RREB1: variants seen among roughly 807,000 people sequenced by gnomAD.
The protein encoded by RREB1 is ras-responsive element-binding protein 1.
RREB1 carries 27 observed loss-of-function variants against 117.8 expected under a neutral mutation model. The ratio of observed to expected loss-of-function variants is 0.23; its 90% CI spans 0.17 to 0.32. RREB1 has a LOEUF of 0.32. RREB1 is among the 10% of genes least tolerant of loss of function. RREB1 has a pLI of 1.00. For synonymous variants in RREB1, 1,298 were observed against 1,026.7 expected (o/e 1.26, Z -5.05); for missense variants, 2,577 against 2,378.2 (o/e 1.08, Z -1.74).
intron 1 of RREB1, among the ~76,000 whole-genome samples, chr6:7,154,923 G>C (rs1217885529): frequency 6.6e-6 from 1 of 152,092 alleles, no homozygotes; most frequent in African/African-American, 2.4e-5. Flanking sequence ...ATTCGTTGGT[G>C]GTTTACGTGT....
chr6:7,177,973 C>T (rs1356849495), intron 2 of RREB1, among the ~76,000 whole-genome samples: 1 of 152,084 alleles, frequency 6.6e-6, no homozygotes, highest in Non-Finnish European at 1.5e-5. Flanking sequence ...TCTGCCTACC[C>T]TGGCCTCCCA....
chr6:7,210,878 G>C lies in RREB1; in HGVS notation c.500G>C (p.Arg167Pro). The C allele has an allele frequency of 1.2e-6, 2 of 1,614,124 alleles. No individual in the cohort carries two copies. Among genetic ancestry groups the C allele is most frequent in the Non-Finnish European group, 1.7e-6 (2 of 1,179,964 alleles). ...CCTCCATCTCCTCTGAAACGTAGGC[G>C]ATTGTCCTCCAAGAGGAAACTGAGT... is the stretch of plus-strand genomic sequence containing the variant. ...TAPPSPLKRRRLSSKRKLSHD... is the reference protein window; with the variant it reads ...TAPPSPLKRRPLSSKRKLSHD... Residue 167 changes from arginine (R) to proline (P), a missense_variant, in exon 7 of 13, where the codon CGA becomes CCA. Transcript: ENST00000379938.
At position 7,203,174 on chromosome 6, in the gene RREB1, T is replaced by C. The variant is rs117831961; in HGVS notation, c.426-7630T>C. ...ACACCTCTCTACCCCCTACTGGATC[T>C]GAAAGTCAGGAGAGGAGGAAGGAGC... is the stretch of plus-strand genomic sequence containing the variant. On this transcript the variant is annotated intron_variant, in intron 6 of 12. Transcript: ENST00000379938. Among the ~76,000 whole-genome samples, 213 of 152,178 alleles carry C rather than the reference T, an allele frequency of 1.4e-3. 3 individuals carry two copies. The East Asian group carries it at 0.033, about 23-fold the overall frequency.
chr6:7,230,646 C>A lies in RREB1; in HGVS notation c.2547C>A (p.Gly849=), dbSNP rs765158225. 10 of 1,600,196 alleles carry A rather than the reference C, an allele frequency of 6.2e-6. No individual in the cohort carries two copies. The highest frequency in any genetic ancestry group is 3.3e-4 in the Middle Eastern group (2 of 5,994). The change falls in exon 10 of 13, where the codon GGC becomes GGA. Residue 849 remains glycine (G), a synonymous_variant. Coordinates refer to ENST00000379938, the MANE Select transcript of RREB1 (RefSeq NM_001003699.4). Reference sequence around the variant, plus strand: ...CGTCGGGGCGCGGGGAGGACAGTGGCTGCGCTGCCCTTGGTGACTGCAAGC... The same window carrying A: ...CGTCGGGGCGCGGGGAGGACAGTGGATGCGCTGCCCTTGGTGACTGCAAGC... ...AEASGRGEDS[G]CAALGDCKPL...
At chr6:7,127,266 T>G (rs1339180872) in intron 1 of RREB1, among the ~76,000 whole-genome samples, 1 of 152,130 alleles carries the variant, frequency 6.6e-6, no homozygotes, top group Non-Finnish European at 1.5e-5. Context: ...AGAGAACTGC[T>G]AACCCTTTAG....
In RREB1 at chr6:7,133,605, A is replaced by G. The variant is rs114806607; in HGVS notation, c.-285+25545A>G. 7.7e-3 allele frequency among the ~76,000 whole-genome samples: 1,178 copies of G among 152,272 alleles called. 19 individuals are homozygous for G. The highest frequency in any genetic ancestry group is 0.027 in the African/African-American group (1,141 of 41,544). On this transcript the variant is annotated intron_variant, in intron 1 of 12. Coordinates refer to ENST00000379938, the MANE Select transcript of RREB1 (RefSeq NM_001003699.4). ...TGAATGTTCTTATTCATTGTACATA[A>G]TAAGAAGGAATATGAAGAAAAAACA...
At position 7,229,960 on chromosome 6, in the gene RREB1, G is replaced by A; in HGVS notation, c.1861G>A (p.Gly621Arg). The change falls in exon 10 of 13, where the codon GGG (glycine) becomes AGG (arginine). Residue 621 changes from glycine to arginine, a missense_variant. Transcript: ENST00000379938. This position sits in a 1 kb window ranked among gnomAD's most constrained non-coding sequence, Gnocchi z 4.5. Reference sequence around the variant, plus strand: ...CAAGATCAAGCAGGAGATCACAGAGGGGGAACTCAAGGCCTTCATGACAGC... The same window carrying A: ...CAAGATCAAGCAGGAGATCACAGAGAGGGAACTCAAGGCCTTCATGACAGC... ...EAKIKQEITEGELKAFMTAPG... is the reference protein window; with the variant it reads ...EAKIKQEITERELKAFMTAPG... 1.2e-6 allele frequency: 2 copies of A among 1,603,936 alleles called. No homozygotes were observed. The highest frequency in any genetic ancestry group is 1.7e-6 in the Non-Finnish European group (2 of 1,172,872).
intron 1 of RREB1, among the ~76,000 whole-genome samples, chr6:7,135,352 G>A (rs1430429338): frequency 3.9e-5 from 6 of 152,182 alleles, no homozygotes; most frequent in African/African-American, 9.7e-5. Flanking sequence ...GATTAGGACC[G>A]TAAATCCAGG....
At position 7,248,919 on chromosome 6, in the gene RREB1, C is replaced by T. The variant is rs1473423709; in HGVS notation, c.5180C>T (p.Pro1727Leu). 6.5e-7 allele frequency: 1 copy of T among 1,532,804 alleles called. No individual in the cohort carries two copies. Among genetic ancestry groups the T allele is most frequent in the Non-Finnish European group, 8.8e-7 (1 of 1,141,164 alleles). 95.0% of individuals were successfully genotyped at this position (1,532,804 alleles called of 1,614,324 possible). A position where few individuals can be genotyped will look rare whatever the true frequency, so the allele number is the denominator to read the frequency against. ...LEPRSKRPAHPILATADGASQ... is the reference protein window; with the variant it reads ...LEPRSKRPAHLILATADGASQ... Reference sequence around the variant, plus strand: ...CCGCGCAGCAAGAGGCCTGCCCACCCAATCCTGGCCACAGCTGATGGCGCC... The same window carrying T: ...CCGCGCAGCAAGAGGCCTGCCCACCTAATCCTGGCCACAGCTGATGGCGCC... The change falls in exon 13 of 13, where the codon CCA (proline) becomes CTA (leucine). Residue 1727 changes from proline (P) to leucine (L), a missense_variant. Transcript: ENST00000379938.
At chr6:7,209,222 T>G (rs1446175845) in intron 6 of RREB1, among the ~76,000 whole-genome samples, 2 of 152,238 alleles carry the variant, frequency 1.3e-5, no homozygotes, top group Non-Finnish European at 2.9e-5. Flanking sequence ...ATTTTTAATA[T>G]TCTCATATCA....
In RREB1 at chr6:7,246,483, C is replaced by A; in HGVS notation, c.4033C>A (p.Arg1345=). 1 of 1,540,258 alleles carries A rather than the reference C, an allele frequency of 6.5e-7. No homozygotes were observed. Among genetic ancestry groups the A allele is most frequent in the Non-Finnish European group, 8.8e-7 (1 of 1,141,978 alleles). ...GGGCGAAGTGCTAGACCTCACCTCA[C>A]GGGACAGAGAGCAGCCGTCGGAGGG... ...AAGEVLDLTS[R]DREQPSEGAT... The change falls in exon 12 of 13, where the codon CGG becomes AGG. Residue 1345 remains arginine (R), a synonymous_variant. Coordinates refer to ENST00000379938, the MANE Select transcript of RREB1 (RefSeq NM_001003699.4).
chr6:7,214,899 C>T (rs1766816047), intron 8 of RREB1: 2 of 152,226 alleles, frequency 1.3e-5, no homozygotes, highest in South Asian at 4.1e-4. Context: ...AACTCCATTT[C>T]CCTCCACTCC....
At chr6:7,207,923 G>C (rs1009253025) in intron 6 of RREB1, among the ~76,000 whole-genome samples, 2 of 152,176 alleles carry the variant, frequency 1.3e-5, no homozygotes, top group African/African-American at 2.4e-5. Flanking sequence ...TTAACAATTA[G>C]AACAGCCAGT....
intron 1 of RREB1, among the ~76,000 whole-genome samples, chr6:7,112,854 C>T (rs1290583800): frequency 6.6e-6 from 1 of 152,184 alleles, no homozygotes; most frequent in Non-Finnish European, 1.5e-5. Flanking sequence ...TGGTGTTCAG[C>T]GTGGTCTGAA....
At chr6:7,204,575 C>G (rs2113601962) in intron 6 of RREB1, among the ~76,000 whole-genome samples, 1 of 152,282 alleles carries the variant, frequency 6.6e-6, no homozygotes, top group East Asian at 1.9e-4. Flanking sequence ...GGGGATGTCT[C>G]TATAACCAGG....
At chr6:7,152,519 T>G (rs1379375698) in intron 1 of RREB1, among the ~76,000 whole-genome samples, 1 of 152,236 alleles carries the variant, frequency 6.6e-6, no homozygotes, top group African/African-American at 2.4e-5. Context: ...TTTATTATTC[T>G]CAAGTTTGAT....
Position 7,231,913 on chromosome 6 carries a change from A to G in RREB1, c.3808+6A>G. 2 of 1,577,228 alleles carry G rather than the reference A, an allele frequency of 1.3e-6. No individual in the cohort carries two copies. The highest frequency in any genetic ancestry group is 1.7e-6 in the Non-Finnish European group (2 of 1,157,304). On this transcript the variant is annotated splice_donor_region_variant and intron_variant, in intron 10 of 12. Transcript: ENST00000379938. Reference sequence around the variant, plus strand: ...GCACATGCTCACACACACTGGTAAGAGGGCCACCGGGCTCCCAGGCAGTGA... The same window carrying G: ...GCACATGCTCACACACACTGGTAAGGGGGCCACCGGGCTCCCAGGCAGTGA...
intron 1 of RREB1, among the ~76,000 whole-genome samples, chr6:7,135,610 G>C (rs575800232): frequency 1.3e-5 from 2 of 152,292 alleles, no homozygotes; most frequent in East Asian, 3.9e-4. Flanking sequence ...AGGCAGGGGA[G>C]GTGACTGCCT....
chr6:7,232,892 C>G (rs1768089408), intron 10 of RREB1, among the ~76,000 whole-genome samples: 1 of 151,780 alleles, frequency 6.6e-6, no homozygotes, highest in Non-Finnish European at 1.5e-5. Context: ...CACCTGGCCC[C>G]AAAAGTATTT....
Sources: allele counts gnomAD v4.1 joint callset (sites outside exome capture counted in the v4.1 genomes callset), GRCh38; gene constraint gnomAD v4.1.1; non-coding constraint Gnocchi (gnomAD v3.1); transcripts MANE v1.5; gene names NCBI Gene and HGNC (gene_info 2026-07-23, HGNC 2026-07-21).